SPIRE1: variants seen among roughly 807,000 people sequenced by gnomAD.
SPIRE1 encodes the protein spire type actin nucleation factor 1.
SPIRE1 carries 40 observed loss-of-function variants against 94.1 expected under a neutral mutation model. That is an observed-to-expected ratio of 0.43 (90% CI 0.33 to 0.55). SPIRE1 has a LOEUF of 0.55. Ranked by LOEUF, SPIRE1 falls within the 20% of genes least tolerant of loss-of-function variation. The probability of loss-of-function intolerance (pLI) is 0.06; values close to 1 mark genes in which losing one functional copy is unlikely to be tolerated. For synonymous variants in SPIRE1, 376 were observed against 371.7 expected (o/e 1.01, Z -0.13); for missense variants, 838 against 975.2 (o/e 0.86, Z 1.87).
intron 2 of SPIRE1, among the ~76,000 whole-genome samples, chr18:12,578,273 A>G (rs984373529): frequency 2.0e-5 from 3 of 152,270 alleles, no homozygotes; most frequent in Non-Finnish European, 4.4e-5. Context: ...CTTTATTTGC[A>G]ATCACCCAAA....
chr18:12,615,793 T>C (rs1598535361), intron 2 of SPIRE1, among the ~76,000 whole-genome samples: 1 of 151,828 alleles, frequency 6.6e-6, no homozygotes, highest in Middle Eastern at 3.4e-3. Flanking sequence ...ATTCTTGCTC[T>C]TGCTTGATTC....
At chr18:12,545,190 T>C (rs939311549) in intron 3 of SPIRE1, among the ~76,000 whole-genome samples, 3 of 152,228 alleles carry the variant, frequency 2.0e-5, no homozygotes, top group Non-Finnish European at 4.4e-5. Flanking sequence ...CCTTAACATC[T>C]AGAAAACATA....
intron 16 of SPIRE1, chr18:12,451,135 G>C (rs2031218514): frequency 3.0e-6 from 1 of 330,736 alleles, no homozygotes; most frequent in African/African-American, 2.2e-5. Context: ...TTGAAAAATA[G>C]GGTATTCATC....
At chr18:12,658,379 C>A, upstream of SPIRE1, 2 of 402,802 alleles carry the variant, frequency 5.0e-6, no homozygotes, top group African/African-American at 2.1e-5. Context: ...AGGGGATGCG[C>A]GGCCGGGTAG....
intron 1 of SPIRE1, among the ~76,000 whole-genome samples, chr18:12,639,128 A>AT (rs201297496): frequency 0.079 from 11,976 of 151,478 alleles, 611 homozygotes; most frequent in Middle Eastern, 0.16. Flanking sequence ...CCTCAAAAAA[A>AT]ATTTTTTTTT....
intron 4 of SPIRE1, among the ~76,000 whole-genome samples, chr18:12,520,179 A>G (rs1003276690): frequency 2.6e-5 from 4 of 152,202 alleles, no homozygotes; most frequent in African/African-American, 9.6e-5. Flanking sequence ...AAAGTGAAAA[A>G]AGGAAGAAAA....
chr18:12,655,695 C>A (rs200153643), intron 1 of SPIRE1, among the ~76,000 whole-genome samples: 1 of 150,108 alleles, frequency 6.7e-6, no homozygotes. Context: ...AGATTCAGAC[C>A]AAAAAAAAAG....
intron 2 of SPIRE1, among the ~76,000 whole-genome samples, chr18:12,570,988 G>C (rs2035947562): frequency 6.6e-6 from 1 of 152,020 alleles, no homozygotes; most frequent in Non-Finnish European, 1.5e-5. Context: ...TTTAGTGTGT[G>C]TTTCTTTTTT....
intron 9 of SPIRE1, 95 bp from the exon 10 acceptor site, chr18:12,479,966 C>T (rs2032780696): frequency 3.2e-6 from 4 of 1,232,830 alleles, no homozygotes; most frequent in South Asian, 1.6e-5. Flanking sequence ...TACAAAAACA[C>T]AGAGGCTTGA....
intron 12 of SPIRE1, 110 bp downstream of exon 12, chr18:12,463,241 C>G: frequency 8.9e-7 from 1 of 1,121,642 alleles, no homozygotes; most frequent in Non-Finnish European, 1.2e-6. Flanking sequence ...ATTCAAAATT[C>G]ATTCTAACTT....
At chr18:12,603,826 G>T (rs1170435120) in intron 2 of SPIRE1, among the ~76,000 whole-genome samples, 1 of 152,066 alleles carries the variant, frequency 6.6e-6, no homozygotes, top group Non-Finnish European at 1.5e-5. Context: ...GCCTGCCTTG[G>T]CCTCCCAAAA....
intron 5 of SPIRE1, among the ~76,000 whole-genome samples, chr18:12,510,774 A>G (rs2034010713): frequency 6.6e-6 from 1 of 152,028 alleles, no homozygotes; most frequent in African/African-American, 2.4e-5. Flanking sequence ...TCCTGACTTC[A>G]GGTGATCCGC....
chr18:12,594,651 A>G (rs1314415374), intron 2 of SPIRE1, among the ~76,000 whole-genome samples: 1 of 152,186 alleles, frequency 6.6e-6, no homozygotes, highest in African/African-American at 2.4e-5. Context: ...GCTTTTGCTT[A>G]TCTTTATTTT....
At chr18:12,551,204 G>C (rs1402786682) in intron 2 of SPIRE1, among the ~76,000 whole-genome samples, 2 of 152,030 alleles carry the variant, frequency 1.3e-5, no homozygotes, top group Non-Finnish European at 2.9e-5. Context: ...TTTGGATCTT[G>C]TCTATTTTGT....
intron 2 of SPIRE1, among the ~76,000 whole-genome samples, chr18:12,612,461 T>C (rs1427993634): frequency 1.3e-5 from 2 of 152,184 alleles, no homozygotes; most frequent in African/African-American, 4.8e-5. Flanking sequence ...CCTCATTCCC[T>C]TGGTGATTTC....
intron 2 of SPIRE1, among the ~76,000 whole-genome samples, chr18:12,621,526 A>T (rs1256163309): frequency 2.0e-5 from 3 of 152,256 alleles, no homozygotes; most frequent in Non-Finnish European, 4.4e-5. Context: ...ATACTATGGA[A>T]TATTTGGCAA....
At chr18:12,642,062 C>G (rs2038101868) in intron 1 of SPIRE1, among the ~76,000 whole-genome samples, 1 of 152,076 alleles carries the variant, frequency 6.6e-6, no homozygotes, top group Admixed American at 6.5e-5. Flanking sequence ...AATCTCCTGA[C>G]CTTGTGATCC....
At chr18:12,500,785 G>A (rs1277743623) in intron 6 of SPIRE1, among the ~76,000 whole-genome samples, 1 of 152,088 alleles carries the variant, frequency 6.6e-6, no homozygotes, top group Admixed American at 6.6e-5. Context: ...AAGAAGTAAA[G>A]TAGCTCGCTG....
At chr18:12,476,384 T>TA (rs1476205037) in intron 10 of SPIRE1, among the ~76,000 whole-genome samples, 2 of 150,518 alleles carry the variant, frequency 1.3e-5, no homozygotes, top group South Asian at 2.1e-4. Flanking sequence ...AATAAAAATA[T>TA]AAAAAAATTA....
Sources: allele counts gnomAD v4.1 joint callset (sites outside exome capture counted in the v4.1 genomes callset), GRCh38; gene constraint gnomAD v4.1.1; transcripts MANE v1.5; gene names NCBI Gene and HGNC (gene_info 2026-07-23, HGNC 2026-07-21).